KMT2C: variants seen among roughly 807,000 people sequenced by gnomAD.
KMT2C encodes the protein histone-lysine N-methyltransferase 2C.
Under a neutral mutation model 507.9 loss-of-function variants are expected in KMT2C, and 88 were observed. That is an observed-to-expected ratio of 0.17 (90% CI 0.15 to 0.21). KMT2C has a LOEUF of 0.21. Among genes scored for constraint, KMT2C ranks in the 10% least tolerant of loss-of-function variants. KMT2C has a pLI of 1.00. For synonymous variants in KMT2C, 2,049 were observed against 2,080.8 expected, an observed-to-expected ratio of 0.98 and a Z score of 0.42; for missense variants, 4,954 against 5,957.8, an observed-to-expected ratio of 0.83 and a Z score of 5.55.
rs926702078 is a variant in KMT2C at position 152,324,078 on chromosome 7, G to T, written c.389+6523C>A. On this transcript the variant is annotated intron_variant, in intron 3 of 58. Transcript: ENST00000262189. ...TAGTAAGTTGTTGGTCAAAGGATAT[G>T]AAGATTGAGATAGGAGGAATAGGTT... Among the ~76,000 whole-genome samples the T allele has an allele frequency of 3.6e-4, 54 of 151,774 alleles. 2 individuals are homozygous for T. The highest frequency in any genetic ancestry group is 5.2e-4 in the Non-Finnish European group (35 of 67,868).
chr7:152,282,266 C>T (rs2096229454), intron 6 of KMT2C, among the ~76,000 whole-genome samples: 1 of 150,092 alleles, frequency 6.7e-6, no homozygotes, highest in Non-Finnish European at 1.5e-5. Flanking sequence ...CACTGCACTC[C>T]AGCCTGGGTG....
chr7:152,159,071 T>G lies in KMT2C; in HGVS notation c.11462A>C (p.Gln3821Pro). The part of the protein sequence containing the change: ...VEKQNPAEGL[Q>P]TLGAQMQGGF... ...ACCTTGCATTTGAGCCCCCAAAGTT[T>G]GCTAATGTAATTGGAAAGGGTAAAA... Residue 3821 changes from glutamine (Q) to proline (P), a missense_variant and splice_region_variant, in exon 44 of 59, where the codon CAA becomes CCA. Gln to Pro is a moderately conservative substitution (Grantham distance 76). Around this residue, in one of 29 missense-constraint regions of KMT2C, gnomAD observed 801 missense variants for 751.2 expected, o/e 1.07. Transcript: ENST00000262189. 11 of 1,614,080 alleles carry G rather than the reference T, an allele frequency of 6.8e-6. No homozygotes were observed. Among genetic ancestry groups the G allele is most frequent in the Non-Finnish European group, 9.3e-6 (11 of 1,179,954 alleles).
rs2097260248 is a variant in KMT2C, at chr7:152,367,888, T to C, written c.162-9213A>G. The C allele has an allele frequency of 2.8e-6, 3 of 1,073,152 alleles. No individual in the cohort carries two copies. The South Asian group carries it at 3.8e-5, about 13-fold the overall frequency. The allele number at this position is 1,073,152 out of a possible 1,614,324, so 66.5% of individuals were successfully genotyped here. A position where few individuals can be genotyped will look rare whatever the true frequency, so the allele number is the denominator to read the frequency against. ...CTTAAACCATTGGATATTGAGTTTA[T>C]GAAGCGTTCGCATGAAAAAGTGATT... is the stretch of plus-strand genomic sequence containing the variant. On this transcript the variant is annotated intron_variant, in intron 1 of 58. Coordinates refer to ENST00000262189, the MANE Select transcript of KMT2C (RefSeq NM_170606.3).
chr7:152,255,252 G>A (rs1288705538), intron 9 of KMT2C, among the ~76,000 whole-genome samples: 1 of 149,712 alleles, frequency 6.7e-6, no homozygotes, highest in Non-Finnish European at 1.5e-5. Context: ...CTGCAGCCTC[G>A]AACTCCTGGG....
intron 14 of KMT2C, among the ~76,000 whole-genome samples, chr7:152,244,527 T>TA (rs1283327213): frequency 1.3e-5 from 2 of 152,022 alleles, no homozygotes; most frequent in Non-Finnish European, 2.9e-5. Context: ...TATAAAAAAA[T>TA]AAAAAATATT....
intron 18 of KMT2C, among the ~76,000 whole-genome samples, chr7:152,225,061 T>C (rs933838562): frequency 3.9e-5 from 6 of 152,224 alleles, no homozygotes; most frequent in East Asian, 1.9e-4. Flanking sequence ...GGACATTTTA[T>C]GATCTTAGAG....
chr7:152,431,084 T>C (rs1171171150), intron 1 of KMT2C, among the ~76,000 whole-genome samples: 3 of 152,056 alleles, frequency 2.0e-5, no homozygotes, highest in Admixed American at 6.6e-5. Flanking sequence ...TTAACTGAAA[T>C]AGTACGAAAA....
intron 6 of KMT2C, among the ~76,000 whole-genome samples, chr7:152,296,997 A>AAGAAAAAGAAAGAAAG (rs1235502213): frequency 1.7e-4 from 10 of 59,004 alleles, no homozygotes; most frequent in African/African-American, 5.5e-4. Context: ...GAAAGAAAGA[A>AAGAAAAAGAAAGAAAG]AAAGAAAGAA....
chr7:152,396,690 G>C (rs2097540082), intron 1 of KMT2C, among the ~76,000 whole-genome samples: 1 of 152,128 alleles, frequency 6.6e-6, no homozygotes, highest in African/African-American at 2.4e-5. Flanking sequence ...AATGCTATTA[G>C]AACTCCCACT....
At chr7:152,342,173 G>A (rs1235841320) in intron 2 of KMT2C, among the ~76,000 whole-genome samples, 1 of 152,000 alleles carries the variant, frequency 6.6e-6, no homozygotes, top group Non-Finnish European at 1.5e-5. Flanking sequence ...ATAAGCAACA[G>A]CTAAAAATTA....
chr7:152,171,755 T>C (rs1184403245), intron 39 of KMT2C, among the ~76,000 whole-genome samples: 1 of 152,248 alleles, frequency 6.6e-6, no homozygotes, highest in Non-Finnish European at 1.5e-5. Flanking sequence ...TCTAAGGAAA[T>C]GTTTTCTCAT....
rs749125377 is a variant in KMT2C, at chr7:152,181,003, G to A, written c.6857C>T (p.Thr2286Ile). 8 of 1,614,074 alleles carry A rather than the reference G, an allele frequency of 5.0e-6. No homozygotes were observed. Among genetic ancestry groups the A allele is most frequent in the African/African-American group, 1.3e-5 (1 of 74,926 alleles). The part of the protein sequence containing the change: ...PRPPGPGLSD[T>I]FSRVSPSAAR... ...AGCAGATGGGGAAACACGGCTAAAT[G>A]TGTCTGAAAGACCAGGTCCAGGGGG... The change falls in exon 36 of 59, where the codon ACA (threonine) becomes ATA (isoleucine). Residue 2286 changes from threonine to isoleucine, a missense_variant. Coordinates refer to ENST00000262189, the MANE Select transcript of KMT2C (RefSeq NM_170606.3).
Position 152,162,394 on chromosome 7 carries a change from C to A in KMT2C, c.11183G>T (p.Cys3728Phe), listed in dbSNP as rs1157402840. Residue 3728 changes from cysteine (C) to phenylalanine (F), a missense_variant, in exon 43 of 59, where the codon TGC (cysteine) becomes TTC (phenylalanine). This residue lies in a region of KMT2C where 801 missense variants were observed against 751.2 expected (regional missense o/e 1.07). Transcript: ENST00000262189. ...CAATTTAGGCTCCTCTTGGCCTGGG[C>A]AGGACTCTGTCTCAGCCTTTTCCAG... ...IKLEKAETES[C>F]PGQEEPKLEE... The A allele has an allele frequency of 2.5e-6, 4 of 1,614,234 alleles. No homozygotes were observed. In the East Asian group the frequency reaches 6.7e-5, roughly 27 times the overall value.
rs1479900036 is a variant in KMT2C at position 152,179,877 on chromosome 7, G to A, written c.7399C>T (p.Pro2467Ser). ...VFPKDQRGPY[P>S]PDVASMGMRP... Reference sequence around the variant, plus strand: ...ATCCCCATACTAGCAACATCAGGAGGATAGGGTCCACGCTGATCTTTTGGG... The same window carrying A: ...ATCCCCATACTAGCAACATCAGGAGAATAGGGTCCACGCTGATCTTTTGGG... Residue 2467 changes from proline (P) to serine (S), a missense_variant, in exon 37 of 59, where the codon CCT becomes TCT. By Grantham distance (74) the Pro-to-Ser change is moderately conservative. Transcript: ENST00000262189. The A allele has an allele frequency of 1.2e-6, 2 of 1,614,070 alleles. No homozygotes were observed. The highest frequency in any genetic ancestry group is 1.1e-5 in the South Asian group (1 of 91,086).
intron 1 of KMT2C, among the ~76,000 whole-genome samples, chr7:152,400,122 CA>C (rs1331623243): frequency 2.5e-5 from 2 of 80,576 alleles, no homozygotes; most frequent in Non-Finnish European, 4.1e-5. Flanking sequence ...TCCTGGCTAA[CA>C]AACACGGTGA....
At chr7:152,338,048 C>T (rs754905299) in intron 2 of KMT2C, among the ~76,000 whole-genome samples, 3 of 151,806 alleles carry the variant, frequency 2.0e-5, no homozygotes, top group Non-Finnish European at 2.9e-5. Context: ...TTAGTAGAGA[C>T]GGGGTTTCAC....
intron 7 of KMT2C, 71 bp from the exon 8 acceptor site, chr7:152,265,280 C>A: frequency 3.2e-6 from 5 of 1,582,810 alleles, no homozygotes; most frequent in Non-Finnish European, 8.6e-7. Context: ...ACAGTAAAAT[C>A]ATTTGAAAGG....
At position 152,196,028 on chromosome 7, in the gene KMT2C, TG is replaced by T. The variant is rs2093951056; in HGVS notation, c.4274-18del. 1 of 1,479,344 alleles carries T rather than the reference TG, an allele frequency of 6.8e-7. No homozygotes were observed. Among genetic ancestry groups the T allele is most frequent in the Non-Finnish European group, 9.3e-7 (1 of 1,077,906 alleles). The allele number at this position is 1,479,344 out of a possible 1,614,324, so 91.6% of individuals were successfully genotyped here. ...CAGCAGGACCTAAATATAGTAAATA[TG>T]TTTTTTAAAATTTCAGTATTTTCTC... On this transcript the variant is annotated intron_variant, in intron 27 of 58. Transcript: ENST00000262189.
chr7:152,254,580 T>C (rs1470920339), intron 9 of KMT2C, among the ~76,000 whole-genome samples: 2 of 152,188 alleles, frequency 1.3e-5, no homozygotes, highest in Non-Finnish European at 2.9e-5. Flanking sequence ...GGTATTTCTC[T>C]AATGTGACCA....
Sources: gnomAD v4.1 joint callset for allele counts (sites outside exome capture counted in the v4.1 genomes callset) on GRCh38, gnomAD v4.1.1 for gene constraint, gnomAD v4.1.1 regional missense constraint, MANE v1.5 for transcripts, NCBI Gene and HGNC (gene_info 2026-07-23, HGNC 2026-07-21) for gene names.